IQSEC1: variants seen among roughly 807,000 people sequenced by gnomAD.
IQSEC1 encodes the protein IQ motif and Sec7 domain ArfGEF 1, also known as IQ motif and SEC7 domain-containing protein 1.
Under a neutral mutation model 91.0 loss-of-function variants are expected in IQSEC1, and 31 were observed. The observed-to-expected ratio is 0.34, with a 90% confidence interval of 0.26 to 0.46. The LOEUF (loss-of-function observed/expected upper bound fraction) is 0.46, where lower values mean the gene tolerates loss of function less well. IQSEC1 is among the 20% of genes least tolerant of loss of function. The pLI is 1.00. For missense variants in IQSEC1, 1,388 were observed against 1,575.6 expected, an observed-to-expected ratio of 0.88 and a Z score of 2.02; for synonymous variants, 699 against 662.6, an observed-to-expected ratio of 1.05 and a Z score of -0.84.
chr3:13,052,090 T>C (rs1468749776), intron 1 of IQSEC1, among the ~76,000 whole-genome samples: 1 of 152,164 alleles, frequency 6.6e-6, no homozygotes. Flanking sequence ...CAGTTACACA[T>C]GCCTGTGTGT....
chr3:13,110,796 T>C (rs1269060675), intron 2 of IQSEC1, among the ~76,000 whole-genome samples: 1 of 152,170 alleles, frequency 6.6e-6, no homozygotes, highest in African/African-American at 2.4e-5. Flanking sequence ...TGCTCTGCAC[T>C]TCCTGTCACG....
chr3:12,916,801 C>G (rs923441767), intron 6 of IQSEC1, among the ~76,000 whole-genome samples: 2 of 152,242 alleles, frequency 1.3e-5, no homozygotes, highest in Non-Finnish European at 2.9e-5. Context: ...GCACGACAGA[C>G]TACTTACTAC....
intron 1 of IQSEC1, among the ~76,000 whole-genome samples, chr3:13,165,712 T>G (rs1422138158): frequency 6.6e-6 from 1 of 151,568 alleles, no homozygotes; most frequent in East Asian, 2.0e-4. Context: ...CAACCATGAG[T>G]GTGAGCCCAG....
chr3:13,025,765 T>C (rs1703589349), intron 1 of IQSEC1, among the ~76,000 whole-genome samples: 1 of 152,188 alleles, frequency 6.6e-6, no homozygotes, highest in South Asian at 2.1e-4. Flanking sequence ...GACCTCTCCT[T>C]ACTCACTGGG....
chr3:13,242,639 A>G (rs916049465), intron 1 of IQSEC1, among the ~76,000 whole-genome samples: 73 of 152,240 alleles, frequency 4.8e-4, no homozygotes, highest in Non-Finnish European at 6.5e-4. Flanking sequence ...TGGGTGGGCG[A>G]CATGGGCCTG....
intron 1 of IQSEC1, among the ~76,000 whole-genome samples, chr3:13,241,899 G>A (rs1274648345): frequency 6.6e-6 from 1 of 152,274 alleles, no homozygotes; most frequent in East Asian, 1.9e-4. Flanking sequence ...AAGATCAGGA[G>A]GCAGATGGTG....
chr3:13,117,334 C>G (rs1706351601), intron 2 of IQSEC1, among the ~76,000 whole-genome samples: 2 of 149,976 alleles, frequency 1.3e-5, no homozygotes, highest in Admixed American at 6.6e-5. Flanking sequence ...CGACTGTAAT[C>G]CCAGCACTTT....
chr3:13,033,663 A>C (rs1377556584), intron 1 of IQSEC1, among the ~76,000 whole-genome samples: 1 of 152,126 alleles, frequency 6.6e-6, no homozygotes, highest in Non-Finnish European at 1.5e-5. Flanking sequence ...CAGGCTTGAG[A>C]CCCAAGAAGA....
intron 1 of IQSEC1, among the ~76,000 whole-genome samples, chr3:12,966,775 A>G (rs1700599550): frequency 6.6e-6 from 1 of 152,098 alleles, no homozygotes. Flanking sequence ...AGAGTACCCG[A>G]CAGAAGCTGC....
At chr3:13,243,127 C>T (rs983123490) in intron 1 of IQSEC1, among the ~76,000 whole-genome samples, 3 of 152,166 alleles carry the variant, frequency 2.0e-5, no homozygotes, top group Non-Finnish European at 2.9e-5. Context: ...GAAGTCCCTT[C>T]GCACACAGAG....
intron 1 of IQSEC1, among the ~76,000 whole-genome samples, chr3:13,243,356 C>A (rs57409795): frequency 0.07 from 10,637 of 152,168 alleles, 1,173 homozygotes; most frequent in African/African-American, 0.23. Flanking sequence ...AGCTGACCCT[C>A]GGACGAAGGG....
At chr3:13,281,993 G>A (rs981236524) in intron 1 of IQSEC1, among the ~76,000 whole-genome samples, 4 of 152,162 alleles carry the variant, frequency 2.6e-5, no homozygotes, top group Non-Finnish European at 2.9e-5. Flanking sequence ...GACACTCATG[G>A]GAGGCAAACG....
chr3:12,932,433 A>T (rs563271595), intron 3 of IQSEC1, among the ~76,000 whole-genome samples: 47 of 152,320 alleles, frequency 3.1e-4, no homozygotes, highest in African/African-American at 1.1e-3. Context: ...TCTACCAACT[A>T]TGTGAGACTC....
At chr3:13,277,998 G>A (rs1026248636) in intron 1 of IQSEC1, among the ~76,000 whole-genome samples, 2 of 152,148 alleles carry the variant, frequency 1.3e-5, no homozygotes, top group Admixed American at 6.5e-5. Context: ...TCCAGCCTCC[G>A]CTGCTGCCCC....
intron 1 of IQSEC1, among the ~76,000 whole-genome samples, chr3:13,189,916 G>A (rs1693993170): frequency 6.6e-6 from 1 of 152,196 alleles, no homozygotes; most frequent in African/African-American, 2.4e-5. Flanking sequence ...TCCTGTTGCT[G>A]ACATGCAATC....
In IQSEC1 at chr3:12,922,863, A is replaced by G. The variant is rs1318332021; in HGVS notation, c.1731-621T>C. Among the ~76,000 whole-genome samples, 1 of 152,010 alleles carries G rather than the reference A, an allele frequency of 6.6e-6. No homozygotes were observed. Among genetic ancestry groups the G allele is most frequent in the Non-Finnish European group, 1.5e-5 (1 of 67,984 alleles). ...CCGGCACACCCTTCCAGTCCCTCCT[A>G]TGGTGACCCCTGAACAGAGAAGATG... On this transcript the variant is annotated intron_variant, in intron 4 of 13. Coordinates refer to ENST00000613206, the MANE Select transcript of IQSEC1 (RefSeq NM_001134382.3). The surrounding 1 kb of genome is among the most constrained non-coding windows in gnomAD (Gnocchi z 5.1).
At chr3:13,043,596 G>C (rs1387924693) in intron 1 of IQSEC1, among the ~76,000 whole-genome samples, 2 of 152,158 alleles carry the variant, frequency 1.3e-5, no homozygotes, top group African/African-American at 4.8e-5. Flanking sequence ...CTTTCCATGG[G>C]ACATCCCATC....
rs1696942787 is a variant in IQSEC1, at chr3:12,924,550, A to C, written c.1730+31T>G. On this transcript the variant is annotated intron_variant, in intron 4 of 13. Transcript: ENST00000613206. The surrounding 1 kb of genome is among the most constrained non-coding windows in gnomAD (Gnocchi z 6.3). The stretch of plus-strand genomic sequence containing the variant: ...GGTGCGTGAGGGCGTGTGTGGAATC[A>C]GGTCCCCCACCACCCCCATGCAGAA... 6.5e-7 allele frequency: 1 copy of C among 1,549,406 alleles called. No homozygotes were observed. Among genetic ancestry groups the C allele is most frequent in the Non-Finnish European group, 8.8e-7 (1 of 1,139,866 alleles).
intron 2 of IQSEC1, among the ~76,000 whole-genome samples, chr3:13,110,756 GCTTCC>G (rs1706231363): frequency 1.3e-5 from 2 of 152,224 alleles, no homozygotes; most frequent in African/African-American, 4.8e-5. Context: ...GCAAGAGCCA[GCTTCC>G]CCAGCCTCAG....
Sources: allele counts gnomAD v4.1 joint callset (sites outside exome capture counted in the v4.1 genomes callset), GRCh38; gene constraint gnomAD v4.1.1; non-coding constraint Gnocchi (gnomAD v3.1); transcripts MANE v1.5; gene names NCBI Gene and HGNC (gene_info 2026-07-23, HGNC 2026-07-21).